CAPN9: variants seen among roughly 807,000 people sequenced by gnomAD.
CAPN9 encodes the protein calpain-9.
A neutral mutation model predicts 92.8 loss-of-function variants in CAPN9; 81 were observed. The ratio of observed to expected loss-of-function variants is 0.87; its 90% CI spans 0.73 to 1.05. The LOEUF (loss-of-function observed/expected upper bound fraction) is 1.05. Among genes scored for constraint, CAPN9 ranks in the 50% least tolerant of loss-of-function variants. The pLI, the probability that CAPN9 is intolerant of heterozygous loss-of-function variation, is 0.00. For synonymous variants in CAPN9, 304 were observed against 328.0 expected (o/e 0.93, Z 0.79); for missense variants, 848 against 866.2 (o/e 0.98, Z 0.26).
intron 5 of CAPN9, 41 bp from the exon 6 acceptor site, chr1:230,769,139 A>C: frequency 5.2e-6 from 8 of 1,526,142 alleles, no homozygotes; most frequent in Non-Finnish European, 7.3e-6. Context: ...GGGAGGCTTG[A>C]CTTAGACGGT....
chr1:230,795,733 T>C, intron 18 of CAPN9, among the ~76,000 whole-genome samples: 1 of 152,116 alleles, frequency 6.6e-6, no homozygotes, highest in Non-Finnish European at 1.5e-5. Flanking sequence ...CTTCAGTGTT[T>C]GCAGTTTATT....
At chr1:230,777,761 T>C (rs1666912199) in intron 8 of CAPN9, among the ~76,000 whole-genome samples, 1 of 152,088 alleles carries the variant, frequency 6.6e-6, no homozygotes, top group Non-Finnish European at 1.5e-5. Flanking sequence ...TCAGGAGCCC[T>C]TGACGTGCTG....
At chr1:230,754,078 G>C (rs959306982) in intron 1 of CAPN9, among the ~76,000 whole-genome samples, 1 of 149,650 alleles carries the variant, frequency 6.7e-6, no homozygotes, top group Non-Finnish European at 1.5e-5. Context: ...GGCACAGTGG[G>C]CGCCGTGGGT....
intron 12 of CAPN9, 173 bp downstream of exon 12, chr1:230,786,190 T>G: frequency 1.0e-6 from 1 of 985,214 alleles, no homozygotes; most frequent in Non-Finnish European, 1.2e-6. Flanking sequence ...TTCTAGTCTG[T>G]GCTCTTCTAG....
rs1665577690 is a variant in CAPN9, at chr1:230,760,712, T to TC, written c.402+1085dup. 3.9e-5 allele frequency among the ~76,000 whole-genome samples: 6 copies of TC among 151,980 alleles called. No individual in the cohort carries two copies. The South Asian group carries it at 1.0e-3, about 26-fold the overall frequency. ...CCTGCCACCACCTGGCTGTCTCCCT[T>TC]CCCATCCTGTGACTTCTGCTGAGAC... is the stretch of plus-strand genomic sequence containing the variant. On this transcript the variant is annotated intron_variant, in intron 3 of 19. Transcript: ENST00000271971.
intron 3 of CAPN9, among the ~76,000 whole-genome samples, chr1:230,760,540 G>T (rs1665567930): frequency 6.6e-6 from 1 of 152,192 alleles, no homozygotes; most frequent in South Asian, 2.1e-4. Flanking sequence ...GTCACCAATA[G>T]CACAGAAGTG....
chr1:230,771,945 A>G, intron 6 of CAPN9, 69 bp from the exon 7 acceptor site: 1 of 1,284,512 alleles, frequency 7.8e-7, no homozygotes, highest in Admixed American at 1.7e-5. Context: ...CCTGGAGCTC[A>G]TAGATGAATG....
chr1:230,769,584 A>AAT (rs1666242199), intron 6 of CAPN9, among the ~76,000 whole-genome samples: 1 of 152,298 alleles, frequency 6.6e-6, no homozygotes, highest in Admixed American at 6.5e-5. Context: ...TAGGGAACCA[A>AAT]ATATATATAC....
In CAPN9 at chr1:230,792,873, TG is replaced by T. The variant is rs1462090867; in HGVS notation, c.1816del (p.Asp606ThrfsTer15). On this transcript the variant is annotated frameshift_variant, in exon 17 of 20. Coordinates refer to ENST00000271971, the MANE Select transcript of CAPN9 (RefSeq NM_006615.3). LOFTEE classifies it high-confidence loss of function. ...AGAACCTTTTCCTTCGGTTTGATGC[TG>T]ACAAGTCCGGCACCATGTCTACCTA... ...WINLFLRFDADKSGTMSTYEL... is the reference protein window; with the variant it reads ...WINLFLRFDAXKSGTMSTYEL... 6.2e-7 allele frequency: 1 copy of T among 1,614,158 alleles called. No homozygotes were observed. Among genetic ancestry groups the T allele is most frequent in the East Asian group, 2.2e-5 (1 of 44,880 alleles).
Position 230,790,362 on chromosome 1 carries a change from AG to A in CAPN9, c.1657+175del, listed in dbSNP as rs1248547359. The A allele has an allele frequency of 1.1e-5, 11 of 964,478 alleles. No individual in the cohort carries two copies. The African/African-American group carries it at 1.9e-4, about 17-fold the overall frequency. 59.7% of individuals were successfully genotyped at this position (964,478 alleles called of 1,614,324 possible). A position where few individuals can be genotyped will look rare whatever the true frequency, so the allele number is the denominator to read the frequency against. Reference sequence around the variant, plus strand: ...GTTTTCCTGATTCCAAAAACGATGCAGGTTTATAGTAGAAAATTCTTAAAAA... The same window carrying A: ...GTTTTCCTGATTCCAAAAACGATGCAGTTTATAGTAGAAAATTCTTAAAAA... On this transcript the variant is annotated intron_variant, in intron 14 of 19. Coordinates refer to ENST00000271971, the MANE Select transcript of CAPN9 (RefSeq NM_006615.3).
intron 1 of CAPN9, among the ~76,000 whole-genome samples, chr1:230,749,069 G>A (rs1438845160): frequency 6.6e-6 from 1 of 152,160 alleles, no homozygotes; most frequent in Non-Finnish European, 1.5e-5. Context: ...GCATGCATAG[G>A]CACACAGGTG....
intron 17 of CAPN9, among the ~76,000 whole-genome samples, chr1:230,793,584 G>A (rs1361632664): frequency 1.3e-5 from 2 of 152,172 alleles, no homozygotes; most frequent in Non-Finnish European, 2.9e-5. Context: ...CAGACCTCCC[G>A]CCTGCCGGGC....
At chr1:230,774,741 T>A in intron 8 of CAPN9, 110 bp downstream of exon 8, 9 of 133,590 alleles carry the variant, frequency 6.7e-5, no homozygotes, top group Non-Finnish European at 1.2e-4. Flanking sequence ...CTTTCTTTCT[T>A]TTTTTTTTTT....
chr1:230,794,747 C>A (rs1417311012), intron 17 of CAPN9, among the ~76,000 whole-genome samples: 2 of 152,148 alleles, frequency 1.3e-5, no homozygotes. Flanking sequence ...CTGGAAGTGA[C>A]CTGAGACATA....
chr1:230,788,529 C>T (rs60178860), intron 13 of CAPN9, among the ~76,000 whole-genome samples: 1 of 152,156 alleles, frequency 6.6e-6, no homozygotes, highest in African/African-American at 2.4e-5. Context: ...TTTCCCCAAA[C>T]TGGGGTTCCT....
At chr1:230,792,967 C>A in intron 17 of CAPN9, 39 bp downstream of exon 17, 1 of 1,492,194 alleles carries the variant, frequency 6.7e-7, no homozygotes, top group Non-Finnish European at 9.3e-7. Flanking sequence ...TGACTGCATG[C>A]CAGGTACTGC....
chr1:230,748,244 T>C (rs1335570823), intron 1 of CAPN9, among the ~76,000 whole-genome samples: 2 of 152,162 alleles, frequency 1.3e-5, no homozygotes, highest in African/African-American at 2.4e-5. Flanking sequence ...GGGTGAACAG[T>C]GCCCCACCTC....
At chr1:230,795,534 G>A in intron 18 of CAPN9, 1 of 405,720 alleles carries the variant, frequency 2.5e-6, no homozygotes, top group Non-Finnish European at 4.6e-6. Context: ...ATGGGCTGGG[G>A]CAGGTTTGTG....
chr1:230,788,249 G>A (rs1343748447), intron 13 of CAPN9, among the ~76,000 whole-genome samples: 1 of 152,164 alleles, frequency 6.6e-6, no homozygotes, highest in Non-Finnish European at 1.5e-5. Context: ...TCTGTTTGCT[G>A]TAGTAAAGGG....
Sources: allele counts gnomAD v4.1 joint callset (sites outside exome capture counted in the v4.1 genomes callset), GRCh38; gene constraint gnomAD v4.1.1; transcripts MANE v1.5; gene names NCBI Gene and HGNC (gene_info 2026-07-23, HGNC 2026-07-21).